WIPF3: variants seen among roughly 807,000 people sequenced by gnomAD.
WIPF3 encodes WAS/WASL-interacting protein family member 3.
WIPF3 carries 33 observed loss-of-function variants against 38.9 expected under a neutral mutation model. That is an observed-to-expected ratio of 0.85 (90% confidence interval 0.64 to 1.14). The LOEUF (loss-of-function observed/expected upper bound fraction) is 1.14. Ranked by LOEUF, WIPF3 falls within the 50% of genes most tolerant of loss-of-function variation. The pLI is 0.00. For synonymous variants in WIPF3, 324 were observed against 269.3 expected, an observed-to-expected ratio of 1.20 and a Z score of -1.99; for missense variants, 711 against 652.5, an observed-to-expected ratio of 1.09 and a Z score of -0.98.
chr7:29,906,864 C>T (rs1339901813), intron 8 of WIPF3, among the ~76,000 whole-genome samples: 2 of 152,114 alleles, frequency 1.3e-5, no homozygotes, highest in Non-Finnish European at 2.9e-5. Context: ...AGGTGGTGAG[C>T]CCATATATTC....
chr7:29,890,950 C>T (rs867388174), intron 7 of WIPF3, among the ~76,000 whole-genome samples: 1 of 94,890 alleles, frequency 1.1e-5, no homozygotes, highest in African/African-American at 4.2e-5. Flanking sequence ...GTGGAGGGGG[C>T]GCGGGCCTGC....
At chr7:29,837,561 C>A (rs1318594324) in intron 2 of WIPF3, among the ~76,000 whole-genome samples, 2 of 152,112 alleles carry the variant, frequency 1.3e-5, no homozygotes, top group African/African-American at 2.4e-5. Context: ...TTTTTGAATT[C>A]TCTCCTTCAT....
At position 29,845,810 on chromosome 7, in the gene WIPF3, G is replaced by A. The variant is rs1341548818; in HGVS notation, c.90+10996G>A. On this transcript the variant is annotated intron_variant, in intron 2 of 8. Coordinates refer to ENST00000242140, the MANE Select transcript of WIPF3 (RefSeq NM_001080529.3). Reference sequence around the variant, plus strand: ...CTGTGCCTAGGTCAGTCCGAAGGACGTAGTAGGCACTCAGTTCCTAGCCTT... The same window carrying A: ...CTGTGCCTAGGTCAGTCCGAAGGACATAGTAGGCACTCAGTTCCTAGCCTT... Among the ~76,000 whole-genome samples, 4 of 152,248 alleles carry A rather than the reference G, an allele frequency of 2.6e-5. 1 individual carries two copies. The highest frequency in any genetic ancestry group is 1.3e-4 in the Admixed American group (2 of 15,286).
At chr7:29,903,951 C>G (rs1786339156) in intron 7 of WIPF3, among the ~76,000 whole-genome samples, 1 of 152,156 alleles carries the variant, frequency 6.6e-6, no homozygotes, top group Non-Finnish European at 1.5e-5. Flanking sequence ...AGCAGTTACT[C>G]ATCTTTTACT....
At chr7:29,866,101 G>T (rs1408851636) in intron 2 of WIPF3, among the ~76,000 whole-genome samples, 2 of 152,154 alleles carry the variant, frequency 1.3e-5, no homozygotes, top group Admixed American at 6.5e-5. Context: ...GGAGGTTGCG[G>T]TAAACCAAAG....
At chr7:29,852,229 C>G (rs1162602191) in intron 2 of WIPF3, among the ~76,000 whole-genome samples, 1 of 152,144 alleles carries the variant, frequency 6.6e-6, no homozygotes, top group Non-Finnish European at 1.5e-5. Context: ...TGGTTTCAAA[C>G]TCCTGGCGTC....
chr7:29,840,976 C>G (rs57000146), intron 2 of WIPF3, among the ~76,000 whole-genome samples: 1 of 152,066 alleles, frequency 6.6e-6, no homozygotes, highest in Non-Finnish European at 1.5e-5. Context: ...GAGATGGGGT[C>G]GTTCTTGCTA....
At chr7:29,901,825 C>CAAAAAAA (rs869296187) in intron 7 of WIPF3, among the ~76,000 whole-genome samples, 3 of 82,558 alleles carry the variant, frequency 3.6e-5, no homozygotes, top group African/African-American at 5.9e-5. Context: ...GTCCCTGTCT[C>CAAAAAAA]AAAAAAAAAA....
intron 2 of WIPF3, among the ~76,000 whole-genome samples, chr7:29,859,680 C>T (rs990495143): frequency 5.3e-5 from 8 of 152,026 alleles, no homozygotes; most frequent in Non-Finnish European, 7.4e-5. Flanking sequence ...TTCCTGAGGG[C>T]GTCAAGCGGG....
intron 8 of WIPF3, among the ~76,000 whole-genome samples, chr7:29,913,034 T>C (rs767611169): frequency 2.0e-5 from 3 of 152,222 alleles, no homozygotes; most frequent in Non-Finnish European, 4.4e-5. Flanking sequence ...TTAATACCCC[T>C]AAACTATACA....
At chr7:29,811,404 A>G (rs1186188301) in intron 1 of WIPF3, among the ~76,000 whole-genome samples, 1 of 152,190 alleles carries the variant, frequency 6.6e-6, no homozygotes, top group Non-Finnish European at 1.5e-5. Context: ...AACTGAGGTA[A>G]AGGGAACACA....
intron 2 of WIPF3, among the ~76,000 whole-genome samples, chr7:29,863,889 G>A (rs545952019): frequency 6.6e-6 from 1 of 152,174 alleles, no homozygotes; most frequent in South Asian, 2.1e-4. Flanking sequence ...ATATAGTTTT[G>A]TGTACTGACC....
In WIPF3 at chr7:29,884,268, G is replaced by GC; in HGVS notation, c.777dup (p.Ile260HisfsTer58). 1.0e-5 allele frequency: 5 copies of GC among 486,080 alleles called. No individual in the cohort carries two copies. Among genetic ancestry groups the GC allele is most frequent in the Admixed American group, 7.6e-5 (1 of 13,176 alleles). The allele number at this position is 486,080 out of a possible 1,614,324, so 30.1% of individuals were successfully genotyped here. ...CTCAGCTGGCTCCCTTGCACCTCCC[G>GC]CCCATCCCGCCCCCGCTCCCTCTGC... is the stretch of plus-strand genomic sequence containing the variant. On this transcript the variant is annotated frameshift_variant, in exon 5 of 9. Transcript: ENST00000242140. LOFTEE classifies it high-confidence loss of function.
intron 1 of WIPF3, among the ~76,000 whole-genome samples, chr7:29,828,004 G>T (rs1431912247): frequency 1.3e-5 from 2 of 152,032 alleles, no homozygotes; most frequent in African/African-American, 4.8e-5. Context: ...TTGCCATGTT[G>T]CCCAGGCTGA....
intron 4 of WIPF3, among the ~76,000 whole-genome samples, chr7:29,883,062 C>T (rs958811044): frequency 1.3e-5 from 2 of 152,198 alleles, no homozygotes; most frequent in African/African-American, 4.8e-5. Flanking sequence ...CTCCTGGGGA[C>T]GTGCTCCACC....
chr7:29,884,514 C>T lies in WIPF3; in HGVS notation c.1020C>T (p.Ala340=), dbSNP rs949455126. 5.7e-6 allele frequency: 9 copies of T among 1,576,778 alleles called. No homozygotes were observed. The highest frequency in any genetic ancestry group is 7.7e-6 in the Non-Finnish European group (9 of 1,162,958). ...SPSFQAPPQK[A]GAQALPAPPA... ...GCTTCCAGGCCCCACCGCAGAAGGC[C>T]GGTGCGCAGGCCTTGCCCGCCCCGC... The change falls in exon 5 of 9, where the codon GCC becomes GCT. Residue 340 remains alanine, a synonymous_variant. Coordinates refer to ENST00000242140, the MANE Select transcript of WIPF3 (RefSeq NM_001080529.3).
intron 1 of WIPF3, among the ~76,000 whole-genome samples, chr7:29,828,405 C>T (rs189723889): frequency 5.3e-5 from 8 of 151,948 alleles, no homozygotes; most frequent in Non-Finnish European, 8.8e-5. Context: ...TCAAGTAGGG[C>T]GCCCGTACCC....
rs1477668647 is a variant in WIPF3 at position 29,916,151 on chromosome 7, A to C, written c.*1635A>C. 1.3e-5 allele frequency: 2 copies of C among 152,312 alleles called. No individual in the cohort carries two copies. The highest frequency in any genetic ancestry group is 4.8e-5 in the African/African-American group (2 of 41,568). 9.4% of individuals were successfully genotyped at this position (152,312 alleles called of 1,614,324 possible). A position where few individuals can be genotyped will look rare whatever the true frequency, so the allele number is the denominator to read the frequency against. ...AAGCCCAAACTGTAACAGCTAAATA[A>C]GTAGAAGTTTTTGCAGGTCATCAGC... is the stretch of plus-strand genomic sequence containing the variant. On this transcript the variant is annotated 3_prime_UTR_variant, in exon 9 of 9. Transcript: ENST00000242140.
At chr7:29,838,043 C>T (rs1370087556) in intron 2 of WIPF3, among the ~76,000 whole-genome samples, 3 of 152,194 alleles carry the variant, frequency 2.0e-5, no homozygotes, top group Non-Finnish European at 2.9e-5. Context: ...CTCAGCCTCC[C>T]GAGTAGCTGG....
Sources: allele counts gnomAD v4.1 joint callset (sites outside exome capture counted in the v4.1 genomes callset), GRCh38; gene constraint gnomAD v4.1.1; transcripts MANE v1.5; gene names NCBI Gene and HGNC (gene_info 2026-07-23, HGNC 2026-07-21).